Variants in FRS2 observed in about 807,000 individuals in gnomAD.
FRS2 encodes the protein FGFR signalling adaptor.
A neutral mutation model predicts 43.9 loss-of-function variants in FRS2; 8 were observed. That is an observed-to-expected ratio of 0.18 (90% CI 0.11 to 0.33). The LOEUF (loss-of-function observed/expected upper bound fraction) is 0.33, where lower values mean the gene tolerates loss of function less well. Ranked by LOEUF, FRS2 falls within the 10% of genes least tolerant of loss-of-function variation. The pLI is 1.00. For synonymous variants in FRS2, 219 were observed against 220.3 expected (o/e 0.99, Z 0.05); for missense variants, 534 against 627.6 (o/e 0.85, Z 1.59).
intron 1 of FRS2, among the ~76,000 whole-genome samples, chr12:69,507,722 G>A (rs772254971): frequency 1.3e-5 from 2 of 152,078 alleles, no homozygotes; most frequent in Non-Finnish European, 2.9e-5. Flanking sequence ...GTGCCCCTAA[G>A]TATGGTACTT....
chr12:69,500,725 T>A (rs900041912), intron 1 of FRS2, among the ~76,000 whole-genome samples: 4 of 152,146 alleles, frequency 2.6e-5, no homozygotes, highest in Non-Finnish European at 4.4e-5. Context: ...ATTCCACCCC[T>A]TTTTAGATCC....
In FRS2 at chr12:69,578,155, G is replaced by A. The variant is rs1057067246; in HGVS notation, c.*3200G>A. The A allele has an allele frequency of 3.3e-5, 5 of 152,456 alleles. No homozygotes were observed. The highest frequency in any genetic ancestry group is 7.2e-5 in the African/African-American group (3 of 41,390). The allele number at this position is 152,456 out of a possible 1,614,324, so 9.4% of individuals were successfully genotyped here. ...TGAAAAAGTACTTCCCAATTCCCCC[G>A]TGCTATTCCTAACCTATAATGCCCA... On this transcript the variant is annotated 3_prime_UTR_variant, in exon 9 of 9. Transcript: ENST00000549921.
intron 1 of FRS2, among the ~76,000 whole-genome samples, chr12:69,509,791 CT>C (rs770791926): frequency 6.6e-6 from 1 of 152,162 alleles, no homozygotes; most frequent in Non-Finnish European, 1.5e-5. Context: ...TCTCCTCATC[CT>C]TATGGGCTTT....
intron 3 of FRS2, among the ~76,000 whole-genome samples, chr12:69,540,802 T>A (rs1877833550): frequency 6.6e-6 from 1 of 152,146 alleles, no homozygotes. Context: ...ACATCAACAG[T>A]GATAAGTCAT....
At chr12:69,522,733 T>A (rs1266018533) in intron 1 of FRS2, among the ~76,000 whole-genome samples, 1 of 152,202 alleles carries the variant, frequency 6.6e-6, no homozygotes, top group Non-Finnish European at 1.5e-5. Context: ...GAGCATTTAG[T>A]GCTATAAATT....
intron 3 of FRS2, among the ~76,000 whole-genome samples, chr12:69,547,829 A>ATTTTT (rs1240037971): frequency 2.2e-5 from 2 of 92,274 alleles, no homozygotes; most frequent in African/African-American, 8.9e-5. Flanking sequence ...ATCCATTAAT[A>ATTTTT]CTTTTTTTTT....
chr12:69,494,947 A>T (rs1872750827), intron 1 of FRS2, among the ~76,000 whole-genome samples: 1 of 151,780 alleles, frequency 6.6e-6, no homozygotes, highest in South Asian at 2.1e-4. Flanking sequence ...CTAATTTTTA[A>T]ATTTTTAGTA....
At chr12:69,521,408 G>A (rs191410229) in intron 1 of FRS2, among the ~76,000 whole-genome samples, 19 of 152,174 alleles carry the variant, frequency 1.2e-4, no homozygotes, top group Admixed American at 1.1e-3. Flanking sequence ...TCTCTTGCCC[G>A]ATTGCTCTGG....
At chr12:69,505,369 A>G (rs1007923527) in intron 1 of FRS2, among the ~76,000 whole-genome samples, 11 of 152,218 alleles carry the variant, frequency 7.2e-5, no homozygotes, top group Non-Finnish European at 1.5e-4. Context: ...ACCTTGAAAT[A>G]CTAATTCCAT....
rs1881419325 is a variant in FRS2, at chr12:69,579,574, A to G, written c.*4619A>G. Reference sequence around the variant, plus strand: ...ATATTAGATGACTTTGGATTTTGCAATGCCTTACTGTTGTCATTCTAGCAT... The same window carrying G: ...ATATTAGATGACTTTGGATTTTGCAGTGCCTTACTGTTGTCATTCTAGCAT... On this transcript the variant is annotated 3_prime_UTR_variant, in exon 9 of 9. Transcript: ENST00000549921. 1 of 152,564 alleles carries G rather than the reference A, an allele frequency of 6.6e-6. No individual in the cohort carries two copies. Among genetic ancestry groups the G allele is most frequent in the South Asian group, 2.1e-4 (1 of 4,826 alleles). The allele number at this position is 152,564 out of a possible 1,614,324, so 9.5% of individuals were successfully genotyped here.
intron 3 of FRS2, among the ~76,000 whole-genome samples, chr12:69,552,180 T>C (rs1351250736): frequency 2.0e-5 from 3 of 151,498 alleles, no homozygotes; most frequent in Non-Finnish European, 4.4e-5. Flanking sequence ...TGCATGCCTG[T>C]AATCCCAGCT....
chr12:69,514,765 G>A (rs1968693), intron 1 of FRS2, among the ~76,000 whole-genome samples: 8,340 of 151,938 alleles, frequency 0.055, 569 homozygotes, highest in East Asian at 0.37. Flanking sequence ...CCTGGGAGGC[G>A]GAGGTTGCAG....
chr12:69,527,803 G>A (rs1324055969), intron 1 of FRS2, among the ~76,000 whole-genome samples: 2 of 152,184 alleles, frequency 1.3e-5, no homozygotes, highest in African/African-American at 4.8e-5. Flanking sequence ...TTCTAAATGA[G>A]TGGGAGCATT....
intron 1 of FRS2, among the ~76,000 whole-genome samples, chr12:69,523,290 A>G (rs1875871592): frequency 6.6e-6 from 1 of 152,158 alleles, no homozygotes; most frequent in Non-Finnish European, 1.5e-5. Flanking sequence ...GATATTTAGG[A>G]TAGTTAGGTC....
chr12:69,539,157 C>T (rs1877630585), intron 3 of FRS2, among the ~76,000 whole-genome samples: 1 of 152,200 alleles, frequency 6.6e-6, no homozygotes, highest in South Asian at 2.1e-4. Context: ...TCACTGCAAC[C>T]TCTGCCTCCT....
intron 6 of FRS2, among the ~76,000 whole-genome samples, 173 bp from the exon 7 acceptor site, chr12:69,571,103 G>A (rs1880713023): frequency 6.6e-6 from 1 of 151,998 alleles, no homozygotes; most frequent in Admixed American, 6.6e-5. Context: ...ACTTTTGGCG[G>A]GGGTTTGTTT....
chr12:69,475,694 C>A (rs943674095), intron 1 of FRS2, among the ~76,000 whole-genome samples: 1 of 152,066 alleles, frequency 6.6e-6, no homozygotes, highest in African/African-American at 2.4e-5. Context: ...GCTTACATTT[C>A]CTCATTATTG....
intron 1 of FRS2, among the ~76,000 whole-genome samples, chr12:69,490,670 G>C (rs1872399578): frequency 6.6e-6 from 1 of 152,060 alleles, no homozygotes; most frequent in African/African-American, 2.4e-5. Flanking sequence ...ATTGTATTCA[G>C]TGTTATTTCT....
At chr12:69,494,100 A>G (rs1271771487) in intron 1 of FRS2, among the ~76,000 whole-genome samples, 1 of 152,216 alleles carries the variant, frequency 6.6e-6, no homozygotes, top group Non-Finnish European at 1.5e-5. Context: ...ATTTTGCACA[A>G]TGCAATTTAT....
Sources: allele counts gnomAD v4.1 joint callset (sites outside exome capture counted in the v4.1 genomes callset), GRCh38; gene constraint gnomAD v4.1.1; transcripts MANE v1.5; gene names NCBI Gene and HGNC (gene_info 2026-07-23, HGNC 2026-07-21).